SIGLEC15: variants seen among roughly 807,000 people sequenced by gnomAD.
SIGLEC15 encodes sialic acid binding Ig like lectin 15.
In SIGLEC15, 31 loss-of-function variants were observed where a neutral mutation model predicts 26.2. The observed-to-expected ratio is 1.18, with a 90% confidence interval of 0.89 to 1.60. The LOEUF is 1.60. SIGLEC15 is among the 40% of genes most tolerant of loss of function. The pLI is 0.00. For missense variants in SIGLEC15, 501 were observed against 488.4 expected, an observed-to-expected ratio of 1.03 and a Z score of -0.24; for synonymous variants, 207 against 221.9, an observed-to-expected ratio of 0.93 and a Z score of 0.60.
Position 45,842,421 on chromosome 18 carries a change from GTC to G in SIGLEC15, c.*236_*237del. 1.8e-6 allele frequency: 1 copy of G among 549,452 alleles called. No individual in the cohort carries two copies. Among genetic ancestry groups the G allele is most frequent in the Admixed American group, 3.2e-5 (1 of 31,242 alleles). 34.0% of individuals were successfully genotyped at this position (549,452 alleles called of 1,614,324 possible). A position where few individuals can be genotyped will look rare whatever the true frequency, so the allele number is the denominator to read the frequency against. ...GCCAGCATTTCGTAAATGTGCATAC[GTC>G]TGTGTGTGTGTGTGTGTGTGAGAGA... On this transcript the variant is annotated 3_prime_UTR_variant, in exon 6 of 6. Coordinates refer to ENST00000389474, the MANE Select transcript of SIGLEC15 (RefSeq NM_213602.3).
In SIGLEC15 at chr18:45,837,858, G is replaced by T. The variant is rs772201154; in HGVS notation, c.458G>T (p.Arg153Leu). The change falls in exon 3 of 6, where the codon CGC becomes CTC. Residue 153 changes from arginine to leucine, a missense_variant. Arg to Leu is a moderately radical substitution (Grantham distance 102). Transcript: ENST00000389474. ...RVEFAGDVHDRYESRHGVRLH... is the reference protein window; with the variant it reads ...RVEFAGDVHDLYESRHGVRLH... ...GAGTTCGCCGGCGACGTCCATGACC[G>T]CTACGAGAGCCGCCACGGCGTCCGG... 2 of 1,537,170 alleles carry T rather than the reference G, an allele frequency of 1.3e-6. No individual in the cohort carries two copies. The highest frequency in any genetic ancestry group is 1.2e-5 in the South Asian group (1 of 84,424).
chr18:45,834,334 T>C lies in SIGLEC15; in HGVS notation c.53-2695T>C, dbSNP rs921387188. Among the ~76,000 whole-genome samples, 14 of 152,240 alleles carry C rather than the reference T, an allele frequency of 9.2e-5. 1 individual carries two copies. In the East Asian group the frequency reaches 1.2e-3, roughly 13 times the overall value. On this transcript the variant is annotated intron_variant, in intron 1 of 5. Coordinates refer to ENST00000389474, the MANE Select transcript of SIGLEC15 (RefSeq NM_213602.3). ...CAACAGCAACACAAATAGAACCAGATAGATGTGGTCCCTGCCCTGCCAGAG... is the reference window on the plus strand; with the variant it reads ...CAACAGCAACACAAATAGAACCAGACAGATGTGGTCCCTGCCCTGCCAGAG...
chr18:45,837,160 T>C, intron 2 of SIGLEC15, 72 bp downstream of exon 2: 1 of 1,592,026 alleles, frequency 6.3e-7, no homozygotes, highest in South Asian at 1.1e-5. Flanking sequence ...TCCCAGGGTT[T>C]TTCCACAGGG....
rs748454856 is a variant in SIGLEC15 at position 45,842,423 on chromosome 18, CTG to C, written c.*255_*256del. 0.059 allele frequency: 25,397 copies of C among 430,016 alleles called. 608 individuals carry two copies. The highest frequency in any genetic ancestry group is 0.16 in the African/African-American group (7,738 of 48,710). 26.6% of individuals were successfully genotyped at this position (430,016 alleles called of 1,614,324 possible). ...CAGCATTTCGTAAATGTGCATACGT[CTG>C]TGTGTGTGTGTGTGTGTGAGAGAGA... On this transcript the variant is annotated 3_prime_UTR_variant, in exon 6 of 6. Coordinates refer to ENST00000389474, the MANE Select transcript of SIGLEC15 (RefSeq NM_213602.3).
Position 45,838,839 on chromosome 18 carries a change from C to T in SIGLEC15, c.618C>T (p.Asn206=), listed in dbSNP as rs1444898993. The T allele has an allele frequency of 3.8e-6, 6 of 1,569,834 alleles. No individual in the cohort carries two copies. Among genetic ancestry groups the T allele is most frequent in the Non-Finnish European group, 5.2e-6 (6 of 1,163,550 alleles). ...ALAWSGPALG[N]SLAAVRSPRE... Reference sequence around the variant, plus strand: ...CCTGGTCCGGCCCGGCCCTGGGCAACAGCTTGGCAGCCGTGCGGAGCCCGC... The same window carrying T: ...CCTGGTCCGGCCCGGCCCTGGGCAATAGCTTGGCAGCCGTGCGGAGCCCGC... The change falls in exon 4 of 6, where the codon AAC becomes AAT. Residue 206 remains asparagine, a synonymous_variant. Coordinates refer to ENST00000389474, the MANE Select transcript of SIGLEC15 (RefSeq NM_213602.3).
At chr18:45,834,648 T>C (rs1036859776) in intron 1 of SIGLEC15, among the ~76,000 whole-genome samples, 1 of 152,248 alleles carries the variant, frequency 6.6e-6, no homozygotes. Flanking sequence ...TCTCCTTTTC[T>C]AAGCTGCAAG....
Position 45,836,942 on chromosome 18 carries a change from A to C in SIGLEC15, c.53-87A>C, listed in dbSNP as rs2048280357. On this transcript the variant is annotated intron_variant, in intron 1 of 5. Transcript: ENST00000389474. ...CGATCCTGAACGCTGGCTTGGCCTC[A>C]TGCTGGCAGTGTGACTTCAGTTACT... 7 of 779,592 alleles carry C rather than the reference A, an allele frequency of 9.0e-6. No homozygotes were observed. In the East Asian group the frequency reaches 1.7e-4, roughly 19 times the overall value. 48.3% of individuals were successfully genotyped at this position (779,592 alleles called of 1,614,324 possible).
chr18:45,837,646 C>G lies in SIGLEC15; in HGVS notation c.246C>G (p.Arg82=). Residue 82 remains arginine (R), a synonymous_variant, in exon 3 of 6, where the codon CGC becomes CGG. Transcript: ENST00000389474. ...HYDGPLTAIW[R]AGEPYAGPQV... is the part of the protein sequence containing the mutation. ...ACGGGCCGCTGACGGCCATCTGGCGCGCGGGCGAGCCCTATGCGGGCCCGC... is the reference window on the plus strand; with the variant it reads ...ACGGGCCGCTGACGGCCATCTGGCGGGCGGGCGAGCCCTATGCGGGCCCGC... The G allele has an allele frequency of 6.6e-7, 1 of 1,506,510 alleles. No homozygotes were observed. The allele number at this position is 1,506,510 out of a possible 1,614,324, so 93.3% of individuals were successfully genotyped here.
chr18:45,842,449 G>C lies in SIGLEC15; in HGVS notation c.*262G>C. The C allele has an allele frequency of 4.2e-6, 2 of 481,836 alleles. No individual in the cohort carries two copies. The highest frequency in any genetic ancestry group is 7.5e-6 in the Non-Finnish European group (2 of 265,908). The allele number at this position is 481,836 out of a possible 1,614,324, so 29.8% of individuals were successfully genotyped here. A position where few individuals can be genotyped will look rare whatever the true frequency, so the allele number is the denominator to read the frequency against. ...TGTGTGTGTGTGTGTGTGTGAGAGA[G>C]AGAGAGAGAGAGTACACGCATTAGC... On this transcript the variant is annotated 3_prime_UTR_variant, in exon 6 of 6. Coordinates refer to ENST00000389474, the MANE Select transcript of SIGLEC15 (RefSeq NM_213602.3).
chr18:45,826,723 C>A (rs968291929), intron 1 of SIGLEC15, among the ~76,000 whole-genome samples: 2 of 152,182 alleles, frequency 1.3e-5, no homozygotes, highest in Non-Finnish European at 2.9e-5. Flanking sequence ...GGGGTCCTGG[C>A]TCCATAACTG....
chr18:45,838,717 G>C lies in SIGLEC15; in HGVS notation c.497-1G>C. On this transcript the variant is annotated splice_acceptor_variant, in intron 3 of 5. Transcript: ENST00000389474. LOFTEE classifies it high-confidence loss of function. Reference sequence around the variant, plus strand: ...ACAGTCACCCGCCTTCTCCCCTGCAGCCGCGCCGCGGATCGTCAACATCTC... The same window carrying C: ...ACAGTCACCCGCCTTCTCCCCTGCACCCGCGCCGCGGATCGTCAACATCTC... 1 of 1,571,490 alleles carries C rather than the reference G, an allele frequency of 6.4e-7. No homozygotes were observed. The highest frequency in any genetic ancestry group is 8.6e-7 in the Non-Finnish European group (1 of 1,168,206).
At chr18:45,829,205 C>T in intron 1 of SIGLEC15, 1 of 953,380 alleles carries the variant, frequency 1.0e-6, no homozygotes, top group Non-Finnish European at 1.2e-6. Context: ...CACACCCACG[C>T]CACAGTCAGC....
At chr18:45,842,026 G>T in intron 5 of SIGLEC15, 80 bp from the exon 6 acceptor site, 1 of 1,288,198 alleles carries the variant, frequency 7.8e-7, no homozygotes, top group Admixed American at 1.7e-5. Flanking sequence ...CCTCTTCTTG[G>T]CCCACTGCTG....
intron 5 of SIGLEC15, among the ~76,000 whole-genome samples, chr18:45,840,511 A>G (rs1018973197): frequency 2.6e-5 from 4 of 152,138 alleles, no homozygotes; most frequent in Non-Finnish European, 5.9e-5. Flanking sequence ...ACATTCTTGA[A>G]CAGGCAGATT....
At position 45,825,787 on chromosome 18, in the gene SIGLEC15, G is replaced by A; in HGVS notation, c.52+7G>A. Reference sequence around the variant, plus strand: ...GCGTGGGTTCTCCCGACAGGTGAGTGTCTGCTACTCTCTCTGGCCCATGCT... The same window carrying A: ...GCGTGGGTTCTCCCGACAGGTGAGTATCTGCTACTCTCTCTGGCCCATGCT... On this transcript the variant is annotated splice_region_variant and intron_variant, in intron 1 of 5. Transcript: ENST00000389474. The A allele has an allele frequency of 6.2e-7, 1 of 1,614,226 alleles. No individual in the cohort carries two copies. Among genetic ancestry groups the A allele is most frequent in the African/African-American group, 1.3e-5 (1 of 75,064 alleles).
chr18:45,832,060 C>G (rs2048240375), intron 1 of SIGLEC15, among the ~76,000 whole-genome samples: 1 of 152,232 alleles, frequency 6.6e-6, no homozygotes, highest in African/African-American at 2.4e-5. Flanking sequence ...TGGCATCACC[C>G]TGAGCACTTT....
At chr18:45,836,106 G>T (rs1001494565) in intron 1 of SIGLEC15, among the ~76,000 whole-genome samples, 1 of 152,224 alleles carries the variant, frequency 6.6e-6, no homozygotes, top group Admixed American at 6.5e-5. Flanking sequence ...GTCTGCCAGC[G>T]ATGGGTTAGG....
intron 1 of SIGLEC15, chr18:45,829,212 C>G (rs1173216726): frequency 6.4e-6 from 6 of 942,192 alleles, no homozygotes; most frequent in African/African-American, 1.8e-5. Flanking sequence ...ACGCCACAGT[C>G]AGCCTGCGGC....
chr18:45,834,578 T>C (rs984926518), intron 1 of SIGLEC15, among the ~76,000 whole-genome samples: 3 of 152,210 alleles, frequency 2.0e-5, no homozygotes, highest in African/African-American at 7.2e-5. Flanking sequence ...AGGGATATTG[T>C]TCATGCCCAT....
Sources: allele counts gnomAD v4.1 joint callset (sites outside exome capture counted in the v4.1 genomes callset), GRCh38; gene constraint gnomAD v4.1.1; transcripts MANE v1.5; gene names NCBI Gene and HGNC (gene_info 2026-07-23, HGNC 2026-07-21).